The following GMDS variants were observed in gnomAD, a reference collection of about 807,000 sequenced individuals.
GMDS encodes the protein GDP-mannose 4,6 dehydratase.
Under a neutral mutation model 49.9 loss-of-function variants are expected in GMDS, and 20 were observed. The observed-to-expected ratio is 0.40, with a 90% CI of 0.28 to 0.58. The LOEUF is 0.58. Among genes scored for constraint, GMDS ranks in the 20% least tolerant of loss-of-function variants. GMDS has a pLI of 0.42. For missense variants in GMDS, 362 were observed against 481.4 expected (o/e 0.75, Z 2.32); for synonymous variants, 177 against 178.6 (o/e 0.99, Z 0.07).
At chr6:2,106,321 T>C (rs1031790708) in intron 4 of GMDS, among the ~76,000 whole-genome samples, 1 of 152,252 alleles carries the variant, frequency 6.6e-6, no homozygotes, top group South Asian at 2.1e-4. Flanking sequence ...GATTTCATTT[T>C]ATTTTACCGT....
chr6:1,889,589 T>C (rs1054973986), intron 7 of GMDS, among the ~76,000 whole-genome samples: 1 of 152,194 alleles, frequency 6.6e-6, no homozygotes, highest in South Asian at 2.1e-4. Context: ...GATTTTACCC[T>C]GGCATTTATT....
chr6:2,031,166 T>A (rs1196049360), intron 4 of GMDS, among the ~76,000 whole-genome samples: 1 of 152,190 alleles, frequency 6.6e-6, no homozygotes, highest in Non-Finnish European at 1.5e-5. Flanking sequence ...GGTGGAGCCA[T>A]GGATTTTGAA....
intron 9 of GMDS, among the ~76,000 whole-genome samples, chr6:1,688,774 T>C (rs1765071652): frequency 6.6e-6 from 1 of 152,250 alleles, no homozygotes; most frequent in South Asian, 2.1e-4. Flanking sequence ...TTGTGAGGTA[T>C]ATGCAGATTT....
intron 7 of GMDS, among the ~76,000 whole-genome samples, chr6:1,791,486 C>T (rs1045634564): frequency 2.6e-5 from 4 of 152,120 alleles, no homozygotes; most frequent in African/African-American, 9.7e-5. Context: ...CATTATGAAG[C>T]CCTGGCCTCT....
chr6:2,067,459 A>G (rs1441951159), intron 4 of GMDS, among the ~76,000 whole-genome samples: 1 of 152,062 alleles, frequency 6.6e-6, no homozygotes, highest in African/African-American at 2.4e-5. Context: ...CCCTTCAAAA[A>G]ATTAATGAAT....
intron 7 of GMDS, among the ~76,000 whole-genome samples, chr6:1,774,149 A>G (rs1768697676): frequency 1.3e-5 from 2 of 152,182 alleles, no homozygotes; most frequent in East Asian, 3.8e-4. Flanking sequence ...ATGAATCAAA[A>G]CCATAAGAAT....
At chr6:2,051,486 C>T (rs957549890) in intron 4 of GMDS, among the ~76,000 whole-genome samples, 9 of 151,988 alleles carry the variant, frequency 5.9e-5, no homozygotes, top group Non-Finnish European at 1.2e-4. Context: ...CTATATATTC[C>T]GGGAATAAAC....
Position 1,742,470 on chromosome 6 carries a change from A to G in GMDS, c.888T>C (p.Ile296=). 1 of 1,556,882 alleles carries G rather than the reference A, an allele frequency of 6.4e-7. No homozygotes were observed. The highest frequency in any genetic ancestry group is 8.9e-7 in the Non-Finnish European group (1 of 1,128,284). The change falls in exon 8 of 11, where the codon ATT becomes ATC. Residue 296 remains isoleucine (I), a splice_region_variant and synonymous_variant. Coordinates refer to ENST00000380815, the MANE Select transcript of GMDS (RefSeq NM_001500.4). ...AGTCATTTCTCAGGTATACTTACACAATGGTTTTTCCAATGTGCAAGAATG... is the reference window on the plus strand; with the variant it reads ...AGTCATTTCTCAGGTATACTTACACGATGGTTTTTCCAATGTGCAAGAATG... ...EKSFLHIGKT[I]VWEGKNENEV...
chr6:1,686,761 T>C (rs1764990459), intron 9 of GMDS, among the ~76,000 whole-genome samples: 1 of 152,148 alleles, frequency 6.6e-6, no homozygotes, highest in African/African-American at 2.4e-5. Context: ...CTTCTGAAAT[T>C]GAGCTGCCCA....
chr6:2,141,951 C>T (rs1361148811), intron 1 of GMDS, among the ~76,000 whole-genome samples: 2 of 152,084 alleles, frequency 1.3e-5, no homozygotes, highest in Non-Finnish European at 2.9e-5. Flanking sequence ...TCTCTCCGAC[C>T]CCGCTCCTAT....
intron 9 of GMDS, among the ~76,000 whole-genome samples, chr6:1,672,728 G>A (rs1764468669): frequency 6.6e-6 from 1 of 152,178 alleles, no homozygotes. Context: ...AAATAGGTTT[G>A]CCAGAGAATC....
At chr6:1,639,932 CACTT>C (rs1763275827) in intron 9 of GMDS, among the ~76,000 whole-genome samples, 1 of 152,200 alleles carries the variant, frequency 6.6e-6, no homozygotes, top group African/African-American at 2.4e-5. Flanking sequence ...CCAGTTCTGC[CACTT>C]ACTTCCTGGA....
chr6:1,802,700 G>C (rs1769998832), intron 7 of GMDS, among the ~76,000 whole-genome samples: 1 of 152,248 alleles, frequency 6.6e-6, no homozygotes, highest in South Asian at 2.1e-4. Flanking sequence ...GTTATGCGGG[G>C]AGGAGGGGGC....
At chr6:1,943,314 C>G (rs1762906551) in intron 6 of GMDS, among the ~76,000 whole-genome samples, 1 of 152,192 alleles carries the variant, frequency 6.6e-6, no homozygotes, top group South Asian at 2.1e-4. Context: ...GGGGGCTGTC[C>G]CTCTTCTGTG....
rs1218490801 is a variant in GMDS at position 2,055,273 on chromosome 6, A to G, written c.345+60498T>C. On this transcript the variant is annotated intron_variant, in intron 4 of 10. Coordinates refer to ENST00000380815, the MANE Select transcript of GMDS (RefSeq NM_001500.4). ...AGAGAAGAAAAAAAAAGAGAGAGAGAGAGAGAATGAGGCAGAAGACATATA... is the reference window on the plus strand; with the variant it reads ...AGAGAAGAAAAAAAAAGAGAGAGAGGGAGAGAATGAGGCAGAAGACATATA... Among the ~76,000 whole-genome samples the G allele has an allele frequency of 3.3e-5, 5 of 152,038 alleles. No individual in the cohort carries two copies. In the East Asian group the frequency reaches 7.7e-4, roughly 23 times the overall value.
At chr6:1,984,971 A>C (rs1203350493) in intron 4 of GMDS, among the ~76,000 whole-genome samples, 1 of 152,248 alleles carries the variant, frequency 6.6e-6, no homozygotes, top group Non-Finnish European at 1.5e-5. Context: ...GTGGGATTTC[A>C]GCCCCCATGA....
At chr6:1,879,041 C>T (rs1422360041) in intron 7 of GMDS, among the ~76,000 whole-genome samples, 3 of 152,154 alleles carry the variant, frequency 2.0e-5, no homozygotes, top group South Asian at 2.1e-4. Context: ...AGTGAAAAAA[C>T]AGTTTCACCT....
intron 9 of GMDS, among the ~76,000 whole-genome samples, chr6:1,704,623 A>G (rs572173052): frequency 1.8e-4 from 27 of 152,312 alleles, no homozygotes; most frequent in Non-Finnish European, 2.9e-4. Flanking sequence ...GAAAAGAGTA[A>G]ATTACCAAAT....
At chr6:2,212,750 T>A (rs957877639) in intron 1 of GMDS, among the ~76,000 whole-genome samples, 1 of 150,740 alleles carries the variant, frequency 6.6e-6, no homozygotes, top group Admixed American at 6.6e-5. Context: ...AACATTGAGC[T>A]TACTACTTGA....
Sources: gnomAD v4.1 joint callset for allele counts (sites outside exome capture counted in the v4.1 genomes callset) on GRCh38, gnomAD v4.1.1 for gene constraint, MANE v1.5 for transcripts, NCBI Gene and HGNC (gene_info 2026-07-23, HGNC 2026-07-21) for gene names.